The following MACROD2 variants were observed in gnomAD, a reference collection of about 807,000 sequenced individuals.
The protein encoded by MACROD2 is mono-ADP ribosylhydrolase 2, also known as ADP-ribose glycohydrolase MACROD2.
A neutral mutation model predicts 70.4 loss-of-function variants in MACROD2; 36 were observed. The observed-to-expected ratio is 0.51, with a 90% CI of 0.39 to 0.68. The LOEUF (loss-of-function observed/expected upper bound fraction) is 0.68, where lower values mean the gene tolerates loss of function less well. MACROD2 is among the 30% of genes least tolerant of loss of function. The pLI, the probability that MACROD2 is intolerant of heterozygous loss-of-function variation, is 0.00. For missense variants in MACROD2, 496 were observed against 538.4 expected (o/e 0.92, Z 0.78); for synonymous variants, 172 against 178.8 (o/e 0.96, Z 0.30).
At chr20:15,976,060 T>A (rs1354335901) in intron 13 of MACROD2, among the ~76,000 whole-genome samples, 3 of 152,198 alleles carry the variant, frequency 2.0e-5, no homozygotes, top group Non-Finnish European at 4.4e-5. Context: ...AAAGAAACAG[T>A]CTTTGTTCTT....
chr20:15,363,896 A>G (rs1283430621), intron 6 of MACROD2, among the ~76,000 whole-genome samples: 1 of 152,222 alleles, frequency 6.6e-6, no homozygotes, highest in African/African-American at 2.4e-5. Flanking sequence ...GTTACAAGCT[A>G]CAAGGAATAG....
At chr20:15,694,526 G>A (rs1340853336) in intron 8 of MACROD2, among the ~76,000 whole-genome samples, 1 of 151,832 alleles carries the variant, frequency 6.6e-6, no homozygotes. Context: ...TTTGAGAATT[G>A]TCTATTCATA....
chr20:15,289,803 C>T (rs1055115922), intron 6 of MACROD2, among the ~76,000 whole-genome samples: 3 of 152,138 alleles, frequency 2.0e-5, no homozygotes, highest in African/African-American at 4.8e-5. Context: ...ACTCACTCAG[C>T]AAATATTCAT....
At chr20:14,071,293 C>T (rs1179162786) in intron 2 of MACROD2, among the ~76,000 whole-genome samples, 58 of 101,888 alleles carry the variant, frequency 5.7e-4, no homozygotes, top group Non-Finnish European at 7.7e-4. Flanking sequence ...TGGAGTCTTG[C>T]TCTGTCGTCC....
At chr20:15,567,965 C>T (rs1403582430) in intron 8 of MACROD2, among the ~76,000 whole-genome samples, 1 of 152,174 alleles carries the variant, frequency 6.6e-6, no homozygotes, top group African/African-American at 2.4e-5. Flanking sequence ...AAAGACTGTA[C>T]CAGCTAAATA....
chr20:14,534,192 AT>A (rs1461276749), intron 4 of MACROD2, among the ~76,000 whole-genome samples: 1 of 152,212 alleles, frequency 6.6e-6, no homozygotes, highest in Non-Finnish European at 1.5e-5. Context: ...ACACCGTCAG[AT>A]TCGAGCGTTG....
intron 8 of MACROD2, among the ~76,000 whole-genome samples, chr20:15,729,445 T>C (rs2050910885): frequency 6.6e-6 from 1 of 152,102 alleles, no homozygotes; most frequent in Admixed American, 6.5e-5. Context: ...TCTTTGTTAG[T>C]TTTTTGCGTC....
At chr20:15,907,435 G>C (rs2147258159) in intron 10 of MACROD2, among the ~76,000 whole-genome samples, 1 of 152,316 alleles carries the variant, frequency 6.6e-6, no homozygotes, top group South Asian at 2.1e-4. Flanking sequence ...AGGATGGGGA[G>C]AGCATGGAAA....
rs76276435 is a variant in MACROD2 at position 15,458,687 on chromosome 20, A to T, written c.571+27252A>T. Among the ~76,000 whole-genome samples, 1,199 of 150,048 alleles carry T rather than the reference A, an allele frequency of 8.0e-3. 11 individuals are homozygous for T. Among genetic ancestry groups the T allele is most frequent in the African/African-American group, 0.027 (1,094 of 40,858 alleles). Reference sequence around the variant, plus strand: ...TTTATTCAGTAGGTGTCCACTCAGTACTACCTGAGATTGTCATTGGTGATA... The same window carrying T: ...TTTATTCAGTAGGTGTCCACTCAGTTCTACCTGAGATTGTCATTGGTGATA... On this transcript the variant is annotated intron_variant, in intron 7 of 17. Coordinates refer to ENST00000684519, the MANE Select transcript of MACROD2 (RefSeq NM_001351661.2).
chr20:14,859,212 A>G (rs1341522210), intron 5 of MACROD2, among the ~76,000 whole-genome samples: 1 of 152,050 alleles, frequency 6.6e-6, no homozygotes, highest in Non-Finnish European at 1.5e-5. Flanking sequence ...AACCACCTGT[A>G]CCCCAAAAAC....
rs192378556 is a variant in MACROD2 at position 14,255,744 on chromosome 20, T to C, written c.271+170016T>C. ...AAATAAAAAAGAAAATGTCATTCCA[T>C]TGTCTTCTGTCTCATTCCAGGAAGT... On this transcript the variant is annotated intron_variant, in intron 3 of 17. Transcript: ENST00000684519. Among the ~76,000 whole-genome samples, 4 of 151,950 alleles carry C rather than the reference T, an allele frequency of 2.6e-5. No individual in the cohort carries two copies. In the East Asian group the frequency reaches 7.7e-4, roughly 29 times the overall value.
At chr20:14,885,611 G>T (rs1456245015) in intron 5 of MACROD2, among the ~76,000 whole-genome samples, 1 of 152,078 alleles carries the variant, frequency 6.6e-6, no homozygotes, top group African/African-American at 2.4e-5. Context: ...TGTTTGCCTG[G>T]CTTCCAAGGC....
chr20:14,515,636 T>C lies in MACROD2; in HGVS notation c.301+22128T>C, dbSNP rs551031607. On this transcript the variant is annotated intron_variant, in intron 4 of 17. Coordinates refer to ENST00000684519, the MANE Select transcript of MACROD2 (RefSeq NM_001351661.2). The stretch of plus-strand genomic sequence containing the variant: ...GACAAATACTGCATGATCTCACTTA[T>C]ATGTGGCATCTGTAAAAGTCAGTCT... 4.3e-4 allele frequency among the ~76,000 whole-genome samples: 66 copies of C among 152,146 alleles called. 1 individual carries two copies. Among genetic ancestry groups the C allele is most frequent in the African/African-American group, 1.5e-3 (62 of 41,530 alleles).
intron 3 of MACROD2, among the ~76,000 whole-genome samples, chr20:14,151,799 G>C (rs1158459498): frequency 8.6e-6 from 1 of 116,354 alleles, no homozygotes; most frequent in Non-Finnish European, 1.8e-5. Context: ...AATTGGCCTT[G>C]TTGTATTGTA....
chr20:15,501,582 G>T (rs2047365291), intron 8 of MACROD2, among the ~76,000 whole-genome samples: 1 of 151,928 alleles, frequency 6.6e-6, no homozygotes, highest in Non-Finnish European at 1.5e-5. Context: ...CCATTCTTTT[G>T]CTTTCATATC....
intron 8 of MACROD2, among the ~76,000 whole-genome samples, chr20:15,855,081 G>A (rs1326452969): frequency 3.9e-5 from 6 of 152,140 alleles, no homozygotes; most frequent in Non-Finnish European, 8.8e-5. Context: ...AATGTTGGTT[G>A]TTGGGGAAGC....
intron 5 of MACROD2, among the ~76,000 whole-genome samples, chr20:14,960,802 C>G (rs1295851450): frequency 2.0e-5 from 3 of 152,064 alleles, no homozygotes; most frequent in African/African-American, 7.2e-5. Context: ...TTCTGTGACA[C>G]TATCCACACA....
chr20:14,532,656 G>T (rs2085321091), intron 4 of MACROD2, among the ~76,000 whole-genome samples: 1 of 152,054 alleles, frequency 6.6e-6, no homozygotes, highest in African/African-American at 2.4e-5. Context: ...CCCCCCTCTT[G>T]GTTAAGAGAG....
chr20:14,461,556 G>A (rs2084371985), intron 3 of MACROD2, among the ~76,000 whole-genome samples: 1 of 151,650 alleles, frequency 6.6e-6, no homozygotes, highest in Non-Finnish European at 1.5e-5. Flanking sequence ...ACGTGAAGGT[G>A]CAGGTTTGTT....
Sources: allele counts gnomAD v4.1 joint callset (sites outside exome capture counted in the v4.1 genomes callset), GRCh38; gene constraint gnomAD v4.1.1; transcripts MANE v1.5; gene names NCBI Gene and HGNC (gene_info 2026-07-23, HGNC 2026-07-21).